CBFA2T2: variants seen among roughly 807,000 people sequenced by gnomAD.
CBFA2T2 encodes CBFA2/RUNX1 partner transcriptional co-repressor 2.
Under a neutral mutation model 62.2 loss-of-function variants are expected in CBFA2T2, and 11 were observed. That is an observed-to-expected ratio of 0.18 (90% CI 0.11 to 0.29). The LOEUF (loss-of-function observed/expected upper bound fraction) is 0.29, where lower values mean the gene tolerates loss of function less well. Among genes scored for constraint, CBFA2T2 ranks in the 10% least tolerant of loss-of-function variants. The probability of loss-of-function intolerance (pLI) is 1.00; values close to 1 mark genes in which losing one functional copy is unlikely to be tolerated. For missense variants in CBFA2T2, 592 were observed against 774.1 expected (o/e 0.76, Z 2.79); for synonymous variants, 295 against 287.5 (o/e 1.03, Z -0.27).
chr20:33,616,827 T>A (rs2015730423), intron 3 of CBFA2T2, among the ~76,000 whole-genome samples: 1 of 152,120 alleles, frequency 6.6e-6, no homozygotes, highest in African/African-American at 2.4e-5. Context: ...TCCCTCAGCA[T>A]CTTACCTCTC....
rs1204360202 is a variant in CBFA2T2, at chr20:33,546,504, T to G, written c.34+56203T>G. Among the ~76,000 whole-genome samples, 3 of 151,062 alleles carry G rather than the reference T, an allele frequency of 2.0e-5. No homozygotes were observed. In the Admixed American group the frequency reaches 2.0e-4, roughly 10 times the overall value. ...GTGTAGTAGCAGCCAGGATCACGGC[T>G]CACTGCAACCTTTACCTGCTCAGCT... On this transcript the variant is annotated intron_variant, in intron 1 of 10. Coordinates refer to ENST00000342704, the MANE Select transcript of CBFA2T2 (RefSeq NM_001032999.3).
At chr20:33,627,925 T>C (rs1244895447) in intron 6 of CBFA2T2, among the ~76,000 whole-genome samples, 1 of 152,206 alleles carries the variant, frequency 6.6e-6, no homozygotes, top group African/African-American at 2.4e-5. Context: ...AAAAAAATTT[T>C]TTTAAGTTAC....
intron 1 of CBFA2T2, among the ~76,000 whole-genome samples, chr20:33,535,876 C>T (rs1175028944): frequency 2.0e-5 from 3 of 151,966 alleles, no homozygotes; most frequent in Non-Finnish European, 4.4e-5. Flanking sequence ...TGATTCTTAA[C>T]GAGCATGCTG....
intron 1 of CBFA2T2, among the ~76,000 whole-genome samples, chr20:33,491,540 T>G (rs192074489): frequency 6.6e-6 from 1 of 152,242 alleles, no homozygotes; most frequent in Non-Finnish European, 1.5e-5. Flanking sequence ...TCTTTTTTTT[T>G]GCACCCATTA....
Position 33,571,536 on chromosome 20 carries a change from C to T in CBFA2T2, c.35-35420C>T, listed in dbSNP as rs141254004. On this transcript the variant is annotated intron_variant, in intron 1 of 10. Coordinates refer to ENST00000342704, the MANE Select transcript of CBFA2T2 (RefSeq NM_001032999.3). The stretch of plus-strand genomic sequence containing the variant: ...TTCAGTAACTTTTTCAATATATTAC[C>T]GCTGTCTAGGATTTTGTTTCCATTT... 4.9e-3 allele frequency among the ~76,000 whole-genome samples: 741 copies of T among 152,138 alleles called. 8 individuals carry two copies. The highest frequency in any genetic ancestry group is 0.016 in the African/African-American group (681 of 41,486).
At chr20:33,586,438 A>G (rs752204925) in intron 1 of CBFA2T2, among the ~76,000 whole-genome samples, 1 of 151,966 alleles carries the variant, frequency 6.6e-6, no homozygotes, top group African/African-American at 2.4e-5. Context: ...CCAGCCTATT[A>G]TCATTGTTAT....
chr20:33,573,297 T>TGAAAGC (rs2013653925), intron 1 of CBFA2T2, among the ~76,000 whole-genome samples: 1 of 151,958 alleles, frequency 6.6e-6, no homozygotes, highest in Admixed American at 6.6e-5. Context: ...TTACAAAAAA[T>TGAAAGC]GAAAGCGCTA....
intron 1 of CBFA2T2, among the ~76,000 whole-genome samples, chr20:33,571,976 C>T (rs1000014598): frequency 1.3e-5 from 2 of 152,104 alleles, no homozygotes; most frequent in Admixed American, 6.5e-5. Flanking sequence ...CCATAACCTC[C>T]GCCTCCCAGG....
At chr20:33,562,301 A>G in intron 1 of CBFA2T2, 1 of 822,626 alleles carries the variant, frequency 1.2e-6, no homozygotes, top group Non-Finnish European at 1.5e-6. Context: ...TAGTGACATC[A>G]GCTGGCAAAG....
At chr20:33,642,105 C>CTT (rs576434212) in intron 10 of CBFA2T2, among the ~76,000 whole-genome samples, 1,242 of 73,856 alleles carry the variant, frequency 0.017, 37 homozygotes, top group Middle Eastern at 0.028. Flanking sequence ...CCTCCTTTGT[C>CTT]TTTTTTTTTT....
At chr20:33,500,687 C>T (rs867992850) in intron 1 of CBFA2T2, among the ~76,000 whole-genome samples, 1 of 151,392 alleles carries the variant, frequency 6.6e-6, no homozygotes, top group Non-Finnish European at 1.5e-5. Flanking sequence ...CCAGCCTGGG[C>T]GACAGAGCAA....
intron 1 of CBFA2T2, among the ~76,000 whole-genome samples, chr20:33,520,890 CTG>C (rs1020939879): frequency 4.0e-5 from 6 of 149,766 alleles, no homozygotes; most frequent in African/African-American, 1.3e-4. Context: ...GAAATAATCA[CTG>C]TTTTTACACA....
chr20:33,603,016 C>T (rs887091076), intron 1 of CBFA2T2, among the ~76,000 whole-genome samples: 4 of 152,156 alleles, frequency 2.6e-5, no homozygotes, highest in South Asian at 4.1e-4. Flanking sequence ...TGTGAGATTT[C>T]ATCACACTAT....
intron 1 of CBFA2T2, among the ~76,000 whole-genome samples, chr20:33,554,650 A>G (rs1223561150): frequency 1.5e-4 from 14 of 92,604 alleles, no homozygotes; most frequent in South Asian, 1.0e-3. Flanking sequence ...TTTGTTGTCC[A>G]GGTTGGAGTG....
intron 7 of CBFA2T2, among the ~76,000 whole-genome samples, chr20:33,628,869 ACTC>A (rs1175123808): frequency 6.6e-6 from 1 of 152,090 alleles, no homozygotes; most frequent in Non-Finnish European, 1.5e-5. Context: ...TTTAGCTACT[ACTC>A]CCTCAGCTGA....
Position 33,565,434 on chromosome 20 carries a change from G to A in CBFA2T2, c.35-41522G>A, listed in dbSNP as rs184939230. Among the ~76,000 whole-genome samples, 72 of 152,254 alleles carry A rather than the reference G, an allele frequency of 4.7e-4. No homozygotes were observed. In the East Asian group the frequency reaches 0.013, roughly 28 times the overall value. ...ATGAGTGGGGAGAAAAGGACTTAAT[G>A]CTTTTCTGTAGGATAGGGCCTACTA... On this transcript the variant is annotated intron_variant, in intron 1 of 10. Coordinates refer to ENST00000342704, the MANE Select transcript of CBFA2T2 (RefSeq NM_001032999.3).
chr20:33,629,642 T>C (rs945825725), intron 7 of CBFA2T2, 77 bp from the exon 8 acceptor site: 8 of 1,301,250 alleles, frequency 6.1e-6, no homozygotes, highest in African/African-American at 1.5e-5. Flanking sequence ...ATTCCTCATA[T>C]TGCGTTGGCC....
intron 2 of CBFA2T2, among the ~76,000 whole-genome samples, chr20:33,607,458 T>C (rs1243154974): frequency 6.6e-6 from 1 of 152,224 alleles, no homozygotes; most frequent in African/African-American, 2.4e-5. Flanking sequence ...AGTGCTGTCA[T>C]GGTAAGACTT....
chr20:33,636,676 G>A lies in CBFA2T2; in HGVS notation c.1265G>A (p.Gly422Glu). The change falls in exon 9 of 11, where the codon GGA becomes GAA. Residue 422 changes from glycine to glutamate, a missense_variant. Physicochemically the swap from Gly to Glu is moderately conservative, Grantham distance 98. Around this residue, in one of 3 missense-constraint regions of CBFA2T2, gnomAD observed 449 missense variants for 551.2 expected, o/e 0.81. Transcript: ENST00000342704. ...GAGTTCAACAGCAGGCCAGGTACAG[G>A]ATACGTACCTGTGGAGTTTTGGAAA... ...QREFNSRPGTGYVPVEFWKKT... is the reference protein window; with the variant it reads ...QREFNSRPGTEYVPVEFWKKT... The A allele has an allele frequency of 6.2e-7, 1 of 1,613,628 alleles. No homozygotes were observed. The highest frequency in any genetic ancestry group is 8.5e-7 in the Non-Finnish European group (1 of 1,179,656).
Sources: gnomAD v4.1 joint callset for allele counts (sites outside exome capture counted in the v4.1 genomes callset) on GRCh38, gnomAD v4.1.1 for gene constraint, gnomAD v4.1.1 regional missense constraint, MANE v1.5 for transcripts, NCBI Gene and HGNC (gene_info 2026-07-23, HGNC 2026-07-21) for gene names.